HIVEP2: variants seen among roughly 807,000 people sequenced by gnomAD.
HIVEP2 encodes the protein HIVEP zinc finger 2.
Under a neutral mutation model 180.7 loss-of-function variants are expected in HIVEP2, and 14 were observed. The observed-to-expected ratio is 0.08, with a 90% CI of 0.05 to 0.12. The LOEUF (loss-of-function observed/expected upper bound fraction) is 0.12. Among genes scored for constraint, HIVEP2 ranks in the 10% least tolerant of loss-of-function variants. HIVEP2 has a pLI of 1.00. For synonymous variants in HIVEP2, 1,184 were observed against 1,136.4 expected, an observed-to-expected ratio of 1.04 and a Z score of -0.84; for missense variants, 2,579 against 3,008.5, an observed-to-expected ratio of 0.86 and a Z score of 3.34.
chr6:142,856,204 TA>T lies in HIVEP2; in HGVS notation c.-640-19158del, dbSNP rs111541153. ...CACTAAAAAACAGACAGCAAGGGGT[TA>T]AAAAAAAAAAGAAAAGGAGAATTTA... On this transcript the variant is annotated intron_variant, in intron 1 of 9. Coordinates refer to ENST00000367603, the MANE Select transcript of HIVEP2 (RefSeq NM_006734.4). Among the ~76,000 whole-genome samples the T allele has an allele frequency of 4.8e-3, 707 of 146,796 alleles. 2 individuals are homozygous for T. Among genetic ancestry groups the T allele is most frequent in the African/African-American group, 8.0e-3 (319 of 40,112 alleles).
intron 2 of HIVEP2, among the ~76,000 whole-genome samples, chr6:142,803,457 C>T (rs576657): frequency 0.58 from 87,861 of 151,816 alleles, 26,838 homozygotes; most frequent in Non-Finnish European, 0.68. Context: ...ACCTACACTA[C>T]GTGGGTACAA....
At chr6:142,808,208 T>C (rs1412905035) in intron 2 of HIVEP2, among the ~76,000 whole-genome samples, 2 of 152,226 alleles carry the variant, frequency 1.3e-5, no homozygotes, top group Non-Finnish European at 2.9e-5. Flanking sequence ...CCTTATGATC[T>C]GTATCATGAT....
At chr6:142,798,222 T>C (rs570526570) in intron 2 of HIVEP2, among the ~76,000 whole-genome samples, 15 of 151,640 alleles carry the variant, frequency 9.9e-5, no homozygotes, top group Middle Eastern at 3.4e-3. Flanking sequence ...TGAGCTGAGA[T>C]CGCGCCACTG....
intron 2 of HIVEP2, among the ~76,000 whole-genome samples, chr6:142,830,240 C>A (rs1039058524): frequency 5.3e-5 from 8 of 152,050 alleles, no homozygotes; most frequent in African/African-American, 1.9e-4. Flanking sequence ...AACTAGACTG[C>A]CTCAATCAAT....
At chr6:142,894,726 A>T (rs936054798) in intron 1 of HIVEP2, among the ~76,000 whole-genome samples, 2 of 151,800 alleles carry the variant, frequency 1.3e-5, no homozygotes, top group Non-Finnish European at 2.9e-5. Context: ...ATTTTTTTTT[A>T]TTTTACAGAT....
At chr6:142,903,744 A>C (rs1342024362) in intron 1 of HIVEP2, among the ~76,000 whole-genome samples, 2 of 151,962 alleles carry the variant, frequency 1.3e-5, no homozygotes, top group Non-Finnish European at 2.9e-5. Flanking sequence ...GCTCTCTTGG[A>C]CTCCTTTTTA....
At chr6:142,919,416 T>G (rs756988104) in intron 1 of HIVEP2, among the ~76,000 whole-genome samples, 1 of 152,196 alleles carries the variant, frequency 6.6e-6, no homozygotes, top group Non-Finnish European at 1.5e-5. Flanking sequence ...TATATTCTTA[T>G]TGGATAGGTA....
chr6:142,840,607 G>A (rs930343927), intron 1 of HIVEP2, among the ~76,000 whole-genome samples: 1 of 151,978 alleles, frequency 6.6e-6, no homozygotes, highest in Non-Finnish European at 1.5e-5. Context: ...TTATTTCCAT[G>A]AAATTCAGTT....
At chr6:142,903,754 A>AAAGAGTGT (rs929960083) in intron 1 of HIVEP2, among the ~76,000 whole-genome samples, 3 of 152,198 alleles carry the variant, frequency 2.0e-5, no homozygotes, top group Non-Finnish European at 4.4e-5. Context: ...ACTCCTTTTT[A>AAAGAGTGT]AAGAGTGTTA....
chr6:142,878,060 C>T (rs978579242), intron 1 of HIVEP2, among the ~76,000 whole-genome samples: 5 of 152,128 alleles, frequency 3.3e-5, no homozygotes, highest in Non-Finnish European at 2.9e-5. Flanking sequence ...TCCTCATGAA[C>T]ATATTTCCAT....
At chr6:142,806,939 CA>C (rs1776569276) in intron 2 of HIVEP2, among the ~76,000 whole-genome samples, 1 of 152,130 alleles carries the variant, frequency 6.6e-6, no homozygotes, top group African/African-American at 2.4e-5. Flanking sequence ...CATCTCATTG[CA>C]ATACCCAGCT....
chr6:142,841,775 C>T (rs1775371365), intron 1 of HIVEP2, among the ~76,000 whole-genome samples: 1 of 152,110 alleles, frequency 6.6e-6, no homozygotes, highest in Admixed American at 6.5e-5. Context: ...ACATATACGA[C>T]ATTTTAACAT....
At chr6:142,862,830 T>A (rs1776032645) in intron 1 of HIVEP2, among the ~76,000 whole-genome samples, 1 of 133,942 alleles carries the variant, frequency 7.5e-6, no homozygotes, top group Non-Finnish European at 1.5e-5. Context: ...TTATATAATA[T>A]ATAAATTATA....
intron 2 of HIVEP2, among the ~76,000 whole-genome samples, chr6:142,803,647 A>C (rs570910658): frequency 2.4e-4 from 37 of 152,172 alleles, no homozygotes; most frequent in African/African-American, 8.9e-4. Flanking sequence ...AAAAGCGCAC[A>C]GATGCTTACA....
At chr6:142,911,139 T>TAAAA (rs5880554) in intron 1 of HIVEP2, among the ~76,000 whole-genome samples, 30 of 106,186 alleles carry the variant, frequency 2.8e-4, no homozygotes, top group African/African-American at 9.8e-4. Context: ...ACAAACACAT[T>TAAAA]AAAAAAAAAA....
chr6:142,821,950 C>G (rs1777052132), intron 2 of HIVEP2, among the ~76,000 whole-genome samples: 2 of 152,178 alleles, frequency 1.3e-5, no homozygotes, highest in African/African-American at 4.8e-5. Flanking sequence ...CCACCACAGA[C>G]CAGCAAAGTG....
In HIVEP2 at chr6:142,875,964, A is replaced by G. The variant is rs146131097; in HGVS notation, c.-640-38917T>C. On this transcript the variant is annotated intron_variant, in intron 1 of 9. Coordinates refer to ENST00000367603, the MANE Select transcript of HIVEP2 (RefSeq NM_006734.4). ...TCTAAACCATGCTGGGATATCTGCT[A>G]GAAAGAGAATTTAGATAAAGAAGAT... 7.7e-4 allele frequency among the ~76,000 whole-genome samples: 118 copies of G among 152,312 alleles called. 3 individuals carry two copies. Among genetic ancestry groups the G allele is most frequent in the Middle Eastern group, 6.8e-3 (2 of 294 alleles).
chr6:142,906,861 A>G (rs1777275758), intron 1 of HIVEP2, among the ~76,000 whole-genome samples: 1 of 152,232 alleles, frequency 6.6e-6, no homozygotes, highest in Non-Finnish European at 1.5e-5. Flanking sequence ...GATACATTAT[A>G]AAAGCCTATA....
chr6:142,838,704 C>T (rs973586282), intron 1 of HIVEP2, among the ~76,000 whole-genome samples: 1 of 152,054 alleles, frequency 6.6e-6, no homozygotes, highest in Non-Finnish European at 1.5e-5. Context: ...CTTCAAGATG[C>T]AGGACAAACT....
Sources: gnomAD v4.1 joint callset for allele counts (sites outside exome capture counted in the v4.1 genomes callset) on GRCh38, gnomAD v4.1.1 for gene constraint, MANE v1.5 for transcripts, NCBI Gene and HGNC (gene_info 2026-07-23, HGNC 2026-07-21) for gene names.